CACNB2: variants seen among roughly 807,000 people sequenced by gnomAD.
The protein encoded by CACNB2 is voltage-dependent L-type calcium channel subunit beta-2.
Under a neutral mutation model 73.3 loss-of-function variants are expected in CACNB2, and 42 were observed. That is an observed-to-expected ratio of 0.57 (90% CI 0.45 to 0.74). The LOEUF (loss-of-function observed/expected upper bound fraction) is 0.74, where lower values mean the gene tolerates loss of function less well. Among genes scored for constraint, CACNB2 ranks in the 30% least tolerant of loss-of-function variants. CACNB2 has a pLI of 0.00. For missense variants in CACNB2, 940 were observed against 853.0 expected, an observed-to-expected ratio of 1.10 and a Z score of -1.27; for synonymous variants, 348 against 310.3, an observed-to-expected ratio of 1.12 and a Z score of -1.28.
intron 2 of CACNB2, among the ~76,000 whole-genome samples, chr10:18,356,946 T>TTTTTTTTTTTC (rs2041939998): frequency 2.3e-5 from 2 of 88,244 alleles, no homozygotes; most frequent in African/African-American, 3.6e-5. Context: ...CAATTTCTTT[T>TTTTTTTTTTTC]TTTTTTTTTT....
intron 3 of CACNB2, among the ~76,000 whole-genome samples, chr10:18,409,686 A>G (rs1369704115): frequency 5.9e-5 from 9 of 152,182 alleles, no homozygotes; most frequent in Non-Finnish European, 8.8e-5. Flanking sequence ...GTCATCTTGT[A>G]TAGGGTAATT....
chr10:18,483,613 A>G (rs2048906311), intron 3 of CACNB2, among the ~76,000 whole-genome samples: 1 of 152,178 alleles, frequency 6.6e-6, no homozygotes, highest in Non-Finnish European at 1.5e-5. Context: ...TGAAATTTGT[A>G]TAACTTCTGA....
At chr10:18,386,742 A>T (rs2043252815) in intron 2 of CACNB2, among the ~76,000 whole-genome samples, 1 of 152,120 alleles carries the variant, frequency 6.6e-6, no homozygotes, top group Non-Finnish European at 1.5e-5. Flanking sequence ...AGTAAAATGT[A>T]TAGCTTTTAT....
intron 2 of CACNB2, among the ~76,000 whole-genome samples, chr10:18,395,056 A>G (rs969757454): frequency 2.6e-4 from 39 of 152,214 alleles, no homozygotes; most frequent in Admixed American, 3.3e-4. Flanking sequence ...GGAGTCTCAC[A>G]TGTGTATTCC....
chr10:18,259,299 C>A (rs2037419421), intron 2 of CACNB2, among the ~76,000 whole-genome samples: 1 of 151,468 alleles, frequency 6.6e-6, no homozygotes, highest in Non-Finnish European at 1.5e-5. Flanking sequence ...GGCATGGTGA[C>A]TCACACTTGT....
intron 3 of CACNB2, among the ~76,000 whole-genome samples, chr10:18,459,840 A>G (rs1334518165): frequency 1.3e-5 from 2 of 152,100 alleles, no homozygotes; most frequent in African/African-American, 2.4e-5. Context: ...CTCTACAGAA[A>G]TACAAAAATT....
Position 18,539,411 on chromosome 10 carries a change from C to G in CACNB2, c.1670C>G (p.Ser557Trp), listed in dbSNP as rs137886839. 116 of 1,614,020 alleles carry G rather than the reference C, an allele frequency of 7.2e-5. No individual in the cohort carries two copies. The African/African-American group carries it at 1.5e-3, about 21-fold the overall frequency. Residue 557 changes from serine to tryptophan, a missense_variant, in exon 14 of 14, where the codon TCG (serine) becomes TGG (tryptophan). Transcript: ENST00000324631. ...RGLSRQETFDSETQESRDSAY... is the reference protein window; with the variant it reads ...RGLSRQETFDWETQESRDSAY... ...CTCTCCAGGCAAGAGACATTTGACT[C>G]GGAAACCCAGGAGAGTCGAGACTCT...
At chr10:18,343,633 T>A (rs1564452692) in intron 2 of CACNB2, among the ~76,000 whole-genome samples, 1 of 152,162 alleles carries the variant, frequency 6.6e-6, no homozygotes, top group Non-Finnish European at 1.5e-5. Context: ...CTGCAATAGC[T>A]AGGAATGAAA....
At chr10:18,216,363 T>C (rs2035511085) in intron 2 of CACNB2, among the ~76,000 whole-genome samples, 1 of 152,088 alleles carries the variant, frequency 6.6e-6, no homozygotes, top group Non-Finnish European at 1.5e-5. Context: ...GATTCTTGAG[T>C]ATAAGCACTA....
At chr10:18,389,648 A>G (rs2043378132) in intron 2 of CACNB2, among the ~76,000 whole-genome samples, 1 of 152,246 alleles carries the variant, frequency 6.6e-6, no homozygotes, top group African/African-American at 2.4e-5. Context: ...TAGTTCCTAG[A>G]AGTGAAATTA....
At chr10:18,305,471 A>G (rs1447876766) in intron 2 of CACNB2, among the ~76,000 whole-genome samples, 2 of 152,232 alleles carry the variant, frequency 1.3e-5, no homozygotes, top group South Asian at 4.1e-4. Flanking sequence ...AATTAACTCA[A>G]TAATATCTCA....
At chr10:18,346,532 C>A (rs1248165523) in intron 2 of CACNB2, among the ~76,000 whole-genome samples, 6 of 152,100 alleles carry the variant, frequency 3.9e-5, no homozygotes, top group Admixed American at 2.6e-4. Flanking sequence ...CACAAATAGT[C>A]ATCACTTTTC....
At chr10:18,212,083 C>G (rs554624779) in intron 2 of CACNB2, among the ~76,000 whole-genome samples, 2 of 152,282 alleles carry the variant, frequency 1.3e-5, no homozygotes, top group Non-Finnish European at 2.9e-5. Context: ...AGATTGATAT[C>G]TCAGGCACAC....
At position 18,542,942 on chromosome 10, in the gene CACNB2, G is replaced by A. The variant is rs929139395; in HGVS notation, c.*3218G>A. ...GTCTTTCCTATGCTCTTTCTCTACT[G>A]CTCATTTAAGTTACTGTTACAAAAA... On this transcript the variant is annotated 3_prime_UTR_variant, in exon 14 of 14. Transcript: ENST00000324631. The A allele has an allele frequency of 7.9e-6, 1 of 126,102 alleles. No homozygotes were observed. Among genetic ancestry groups the A allele is most frequent in the African/African-American group, 3.1e-5 (1 of 32,462 alleles). 7.8% of individuals were successfully genotyped at this position (126,102 alleles called of 1,614,324 possible).
chr10:18,387,560 C>G (rs1472287182), intron 2 of CACNB2, among the ~76,000 whole-genome samples: 1 of 152,096 alleles, frequency 6.6e-6, no homozygotes, highest in African/African-American at 2.4e-5. Flanking sequence ...TGCATCATTT[C>G]CAATGATTGT....
At chr10:18,231,252 C>G (rs1450420786) in intron 2 of CACNB2, among the ~76,000 whole-genome samples, 2 of 152,318 alleles carry the variant, frequency 1.3e-5, no homozygotes, top group Admixed American at 6.5e-5. Flanking sequence ...TCTCGGCTCA[C>G]TGCAACCTCC....
At chr10:18,315,288 C>G (rs2040119966) in intron 2 of CACNB2, among the ~76,000 whole-genome samples, 1 of 151,586 alleles carries the variant, frequency 6.6e-6, no homozygotes, top group Admixed American at 6.6e-5. Flanking sequence ...GAGCCAAGAT[C>G]ACACCACTGC....
chr10:18,225,099 C>T (rs192899819), intron 2 of CACNB2, among the ~76,000 whole-genome samples: 32 of 152,218 alleles, frequency 2.1e-4, no homozygotes, highest in Admixed American at 2.0e-3. Context: ...TTTTATGTGA[C>T]CTGCTGTTTC....
In CACNB2 at chr10:18,171,521, G is replaced by GAAAAAAAAAAAAAAAAA. The variant is rs370201485; in HGVS notation, c.213+20558_213+20574dup. Among the ~76,000 whole-genome samples, 51 of 32,602 alleles carry GAAAAAAAAAAAAAAAAA rather than the reference G, an allele frequency of 1.6e-3. 11 individuals are homozygous for GAAAAAAAAAAAAAAAAA. Among genetic ancestry groups the GAAAAAAAAAAAAAAAAA allele is most frequent in the Admixed American group, 1.8e-3 (3 of 1,672 alleles). The allele number at this position is 32,602 out of a possible 152,430, so 21.4% of individuals were successfully genotyped here. ...TCCCTTCTTCCCGGCTTTGATAGCA[G>GAAAAAAAAAAAAAAAAA]AAAAAAAAAAAAAAAAAAAAAAAAA... On this transcript the variant is annotated intron_variant, in intron 2 of 13. Transcript: ENST00000324631.
Sources: allele counts gnomAD v4.1 joint callset (sites outside exome capture counted in the v4.1 genomes callset), GRCh38; gene constraint gnomAD v4.1.1; transcripts MANE v1.5; gene names NCBI Gene and HGNC (gene_info 2026-07-23, HGNC 2026-07-21).